The following EIF4A2 variants were observed in gnomAD, a reference collection of about 807,000 sequenced individuals.
EIF4A2 encodes eukaryotic translation initiation factor 4A2.
A neutral mutation model predicts 50.6 loss-of-function variants in EIF4A2; 9 were observed. The observed-to-expected ratio is 0.18, with a 90% CI of 0.11 to 0.31. The LOEUF (loss-of-function observed/expected upper bound fraction) is 0.31. EIF4A2 is among the 10% of genes least tolerant of loss of function. The probability of loss-of-function intolerance (pLI) is 1.00; values close to 1 mark genes in which losing one functional copy is unlikely to be tolerated. For synonymous variants in EIF4A2, 215 were observed against 164.4 expected, an observed-to-expected ratio of 1.31 and a Z score of -2.35; for missense variants, 182 against 501.8, an observed-to-expected ratio of 0.36 and a Z score of 6.09.
intron 10 of EIF4A2, 200 bp from the exon 11 acceptor site, chr3:186,788,925 C>T: frequency 1.6e-6 from 1 of 612,614 alleles, no homozygotes; most frequent in Non-Finnish European, 2.6e-6. Context: ...TGCAGCCAGA[C>T]AAGCCTTGAA....
chr3:186,785,770 G>C (rs965841382), intron 4 of EIF4A2, 113 bp from the exon 5 acceptor site: 17 of 1,341,182 alleles, frequency 1.3e-5, no homozygotes, highest in Non-Finnish European at 1.0e-6. Flanking sequence ...GTAGTTTTGT[G>C]CTGTGCATGC....
intron 10 of EIF4A2, 155 bp downstream of exon 10, chr3:186,788,037 T>C: frequency 1.1e-6 from 1 of 873,256 alleles, no homozygotes; most frequent in Non-Finnish European, 1.7e-6. Context: ...GGAAGGTTGA[T>C]GAGAACAAAG....
chr3:186,784,329 A>C (rs1721563830), intron 1 of EIF4A2, 103 bp from the exon 2 acceptor site: 2 of 1,534,910 alleles, frequency 1.3e-6, no homozygotes. Flanking sequence ...TAGCTTGTGC[A>C]GGGGAGGCTA....
intron 4 of EIF4A2, 178 bp from the exon 5 acceptor site, chr3:186,785,705 C>T (rs1487815680): frequency 1.4e-6 from 1 of 701,750 alleles, no homozygotes; most frequent in Non-Finnish European, 2.2e-6. Flanking sequence ...ATAAGAAAGA[C>T]ATTAAGGGAA....
In EIF4A2 at chr3:186,783,606, G is replaced by A. The variant is rs753698118; in HGVS notation, c.-5G>A. Reference sequence around the variant, plus strand: ...TCAGTCGGGCGCTGAGTGGTTTTTCGGATCATGTCTGGTGGCTCCGCGGAT... The same window carrying A: ...TCAGTCGGGCGCTGAGTGGTTTTTCAGATCATGTCTGGTGGCTCCGCGGAT... On this transcript the variant is annotated 5_prime_UTR_variant, in exon 1 of 11. Coordinates refer to ENST00000323963, the MANE Select transcript of EIF4A2 (RefSeq NM_001967.4). The A allele has an allele frequency of 2.5e-6, 4 of 1,614,136 alleles. No homozygotes were observed. The highest frequency in any genetic ancestry group is 3.4e-6 in the Non-Finnish European group (4 of 1,180,020).
At chr3:186,788,555 G>GC (rs1721915252) in intron 10 of EIF4A2, 2 of 637,270 alleles carry the variant, frequency 3.1e-6, no homozygotes, top group Non-Finnish European at 4.3e-6. Flanking sequence ...TTTCTAACAT[G>GC]CAGGTAGCTG....
intron 10 of EIF4A2, chr3:186,788,161 TTGG>T (rs1403733207): frequency 8.5e-5 from 60 of 709,760 alleles, no homozygotes; most frequent in Non-Finnish European, 1.2e-4. Flanking sequence ...TGTGTTTTTC[TTGG>T]TGATTTTTTC....
chr3:186,789,281 A>T lies in EIF4A2; in HGVS notation c.*12A>T. 1 of 1,601,200 alleles carries T rather than the reference A, an allele frequency of 6.2e-7. No homozygotes were observed. Among genetic ancestry groups the T allele is most frequent in the Non-Finnish European group, 8.5e-7 (1 of 1,173,934 alleles). On this transcript the variant is annotated 3_prime_UTR_variant, in exon 11 of 11. Transcript: ENST00000323963. ...CTGACCTTATTTAATTCCTGGGATG[A>T]GAGTTTTGGATGCAGTGCTCGCTGT...
chr3:186,784,030 G>T, intron 1 of EIF4A2: 1 of 419,328 alleles, frequency 2.4e-6, no homozygotes, highest in Non-Finnish European at 4.3e-6. Context: ...ACTTGGGGAA[G>T]GGTTGGAGGC....
intron 6 of EIF4A2, 73 bp downstream of exon 6, chr3:186,786,346 CTGA>C (rs1721705416): frequency 6.6e-7 from 1 of 1,524,532 alleles, no homozygotes; most frequent in African/African-American, 1.4e-5. Flanking sequence ...TACAATACAA[CTGA>C]TGTGTTTTGT....
chr3:186,788,361 G>T, intron 10 of EIF4A2: 1 of 1,289,770 alleles, frequency 7.8e-7, no homozygotes, highest in Non-Finnish European at 1.0e-6. Context: ...CGGCGTTGAC[G>T]TAATTTAGGA....
rs141019170 is a variant in EIF4A2, at chr3:186,787,095, T to C, written c.772-32T>C. The C allele has an allele frequency of 2.0e-4, 324 of 1,611,180 alleles. 1 individual carries two copies. In the African/African-American group the frequency reaches 3.9e-3, roughly 19 times the overall value. On this transcript the variant is annotated intron_variant, in intron 7 of 10. Transcript: ENST00000323963. ...TAACTGAAGAGTTGGAAAAACTAAATGACTGTTAACTTTAACTTCTAAACA... is the reference window on the plus strand; with the variant it reads ...TAACTGAAGAGTTGGAAAAACTAAACGACTGTTAACTTTAACTTCTAAACA...
At chr3:186,786,934 A>G (rs1721761252) in intron 7 of EIF4A2, 193 bp from the exon 8 acceptor site, 3 of 935,018 alleles carry the variant, frequency 3.2e-6, no homozygotes, top group South Asian at 3.1e-5. Flanking sequence ...AGACTGGCCA[A>G]TTTTGGTATT....
rs3206822 is a variant in EIF4A2 at position 186,789,776 on chromosome 3, T to C, written c.*507T>C. 7.1e-6 allele frequency: 4 copies of C among 564,158 alleles called. No individual in the cohort carries two copies. In the African/African-American group the frequency reaches 7.5e-5, roughly 11 times the overall value. The allele number at this position is 564,158 out of a possible 1,614,324, so 34.9% of individuals were successfully genotyped here. A position where few individuals can be genotyped will look rare whatever the true frequency, so the allele number is the denominator to read the frequency against. On this transcript the variant is annotated 3_prime_UTR_variant, in exon 11 of 11. Transcript: ENST00000323963. ...TATTTAATTAGTGCTAAGTGTGAAC[T>C]GGACCCTGTTGCTAAGCCCCAGCAA...
rs900067207 is a variant in EIF4A2 at position 186,787,593 on chromosome 3, C to T, written c.999+9C>T. ...TCACTACTGACTTGTTGGTAAGTCT[C>T]TTAATGCTTTTTAAAAATCTACCAA... On this transcript the variant is annotated intron_variant, in intron 9 of 10. Transcript: ENST00000323963. 2.5e-6 allele frequency: 4 copies of T among 1,613,888 alleles called. No homozygotes were observed. The highest frequency in any genetic ancestry group is 1.1e-5 in the South Asian group (1 of 91,016).
At chr3:186,785,425 G>T in intron 4 of EIF4A2, 1 of 380,888 alleles carries the variant, frequency 2.6e-6, no homozygotes, top group Non-Finnish European at 4.8e-6. Context: ...CGTAGTTCGT[G>T]ATGCATCTGT....
At chr3:186,787,410 AG>A (rs1560086076) in intron 8 of EIF4A2, 84 bp from the exon 9 acceptor site, 3 of 1,608,272 alleles carry the variant, frequency 1.9e-6, no homozygotes, top group Non-Finnish European at 2.6e-6. Context: ...TGTAGCAGCC[AG>A]GGACGCTTGG....
chr3:186,787,664 T>G (rs372747089), intron 9 of EIF4A2, 80 bp downstream of exon 9: 4 of 1,595,654 alleles, frequency 2.5e-6, no homozygotes, highest in Non-Finnish European at 3.4e-6. Context: ...CTTTGCCAAC[T>G]TGGGCTATTT....
At chr3:186,784,161 G>T in intron 1 of EIF4A2, 1 of 545,316 alleles carries the variant, frequency 1.8e-6, no homozygotes, top group South Asian at 2.2e-5. Context: ...CGCATTGTTG[G>T]GGGCGGAGTT....
Sources: allele counts gnomAD v4.1 joint callset, GRCh38; gene constraint gnomAD v4.1.1; transcripts MANE v1.5; gene names NCBI Gene and HGNC (gene_info 2026-07-23, HGNC 2026-07-21).